RPS6KC1: variants seen among roughly 807,000 people sequenced by gnomAD.
RPS6KC1 encodes ribosomal protein S6 kinase C1, also known as inactive ribosomal protein S6 kinase delta-1.
A neutral mutation model predicts 103.8 loss-of-function variants in RPS6KC1; 54 were observed. The observed-to-expected ratio is 0.52, with a 90% CI of 0.42 to 0.65. The LOEUF (loss-of-function observed/expected upper bound fraction) is 0.65, where lower values mean the gene tolerates loss of function less well. Among genes scored for constraint, RPS6KC1 ranks in the 30% least tolerant of loss-of-function variants. The pLI is 0.00. For missense variants in RPS6KC1, 1,151 were observed against 1,253.8 expected, an observed-to-expected ratio of 0.92 and a Z score of 1.24; for synonymous variants, 439 against 438.7, an observed-to-expected ratio of 1.00 and a Z score of -0.01.
At chr1:213,537,388 G>C in the RPS6KC1 span, among the ~76,000 whole-genome samples, 1 of 152,170 alleles carries the variant, frequency 6.6e-6, no homozygotes, top group Non-Finnish European at 1.5e-5. Flanking sequence ...TTGGACTTGA[G>C]AGTTGGAACG....
the RPS6KC1 span, among the ~76,000 whole-genome samples, chr1:213,800,605 G>C: frequency 6.6e-6 from 1 of 152,092 alleles, no homozygotes; most frequent in African/African-American, 2.4e-5. Flanking sequence ...TAGGACACCT[G>C]GCCACCTGTA....
At chr1:213,626,968 C>T in the RPS6KC1 span, among the ~76,000 whole-genome samples, 5 of 152,128 alleles carry the variant, frequency 3.3e-5, no homozygotes, top group African/African-American at 1.2e-4. Context: ...TGAAGAAAGT[C>T]GTAGGTAGCT....
chr1:213,249,526 G>T (rs1156821788), intron 12 of RPS6KC1, among the ~76,000 whole-genome samples: 3 of 152,212 alleles, frequency 2.0e-5, no homozygotes, highest in Non-Finnish European at 4.4e-5. Context: ...GAGCGGCAGA[G>T]AGAGAGCGCA....
chr1:213,409,932 G>A, the RPS6KC1 span, among the ~76,000 whole-genome samples: 2 of 152,250 alleles, frequency 1.3e-5, no homozygotes, highest in African/African-American at 2.4e-5. Flanking sequence ...GGAGGCTGAG[G>A]CAGGAGGATT....
At chr1:213,401,055 CA>C in the RPS6KC1 span, among the ~76,000 whole-genome samples, 2 of 152,252 alleles carry the variant, frequency 1.3e-5, no homozygotes, top group African/African-American at 4.8e-5. Context: ...ACTTAACAGA[CA>C]GCCTGAGATG....
chr1:213,205,598 T>C (rs1573264204), intron 8 of RPS6KC1, among the ~76,000 whole-genome samples: 1 of 135,832 alleles, frequency 7.4e-6, no homozygotes, highest in Admixed American at 7.5e-5. Flanking sequence ...CCATAGGTTT[T>C]ATATATAGAA....
the RPS6KC1 span, among the ~76,000 whole-genome samples, chr1:213,796,509 G>A: frequency 9.9e-5 from 15 of 152,206 alleles, no homozygotes; most frequent in Admixed American, 9.8e-4. Flanking sequence ...TCAGCACACA[G>A]CCCCAAGAGA....
intron 3 of RPS6KC1, among the ~76,000 whole-genome samples, chr1:213,099,752 C>G (rs1255815102): frequency 1.3e-5 from 2 of 152,280 alleles, no homozygotes; most frequent in Middle Eastern, 3.4e-3. Context: ...GCTGTACAAA[C>G]TTTTCATGTC....
At chr1:213,565,436 G>A in the RPS6KC1 span, among the ~76,000 whole-genome samples, 4 of 152,126 alleles carry the variant, frequency 2.6e-5, no homozygotes, top group African/African-American at 9.7e-5. Context: ...CAATAAAAAG[G>A]GATGAACTCC....
the RPS6KC1 span, among the ~76,000 whole-genome samples, chr1:213,809,218 C>T: frequency 6.6e-6 from 1 of 152,122 alleles, no homozygotes; most frequent in Non-Finnish European, 1.5e-5. Context: ...AATAGAGAGG[C>T]TTGAGGAGAC....
chr1:213,388,563 C>G, the RPS6KC1 span, among the ~76,000 whole-genome samples: 1 of 152,180 alleles, frequency 6.6e-6, no homozygotes, highest in Non-Finnish European at 1.5e-5. Flanking sequence ...AACCTGAGGG[C>G]TTTGGTGAGG....
At chr1:213,137,033 G>T (rs1254305171) in intron 6 of RPS6KC1, among the ~76,000 whole-genome samples, 2 of 152,060 alleles carry the variant, frequency 1.3e-5, no homozygotes, top group Admixed American at 6.6e-5. Flanking sequence ...ACAAGGGCAG[G>T]GTTCCAGTTT....
the RPS6KC1 span, among the ~76,000 whole-genome samples, chr1:213,663,338 T>C: frequency 1.3e-5 from 2 of 152,216 alleles, no homozygotes; most frequent in South Asian, 2.1e-4. Context: ...TAAGCAAGTT[T>C]GTTTGGTTGC....
chr1:213,202,819 G>A (rs1287567769), intron 8 of RPS6KC1, among the ~76,000 whole-genome samples: 4 of 152,130 alleles, frequency 2.6e-5, no homozygotes, highest in Admixed American at 2.6e-4. Context: ...AATTATGATT[G>A]TATTTATTGA....
At chr1:213,725,094 C>T in the RPS6KC1 span, among the ~76,000 whole-genome samples, 5 of 152,206 alleles carry the variant, frequency 3.3e-5, no homozygotes, top group Non-Finnish European at 7.3e-5. Context: ...GCCAGCTTAA[C>T]GTCTTACCAG....
intron 8 of RPS6KC1, among the ~76,000 whole-genome samples, chr1:213,197,773 C>T (rs1279840054): frequency 6.6e-6 from 1 of 152,036 alleles, no homozygotes; most frequent in Non-Finnish European, 1.5e-5. Flanking sequence ...GTAGTTACTC[C>T]TGCTTACTTT....
intron 7 of RPS6KC1, among the ~76,000 whole-genome samples, chr1:213,174,977 T>A (rs941669382): frequency 2.0e-5 from 3 of 152,206 alleles, no homozygotes; most frequent in Admixed American, 2.0e-4. Context: ...AAATAAAAAG[T>A]CTCTTTTAAA....
At chr1:213,433,047 A>G in the RPS6KC1 span, among the ~76,000 whole-genome samples, 4 of 152,212 alleles carry the variant, frequency 2.6e-5, no homozygotes, top group Non-Finnish European at 5.9e-5. Flanking sequence ...CAGAAGACTG[A>G]TATGTGTCTC....
the RPS6KC1 span, among the ~76,000 whole-genome samples, chr1:213,552,682 T>C: frequency 6.6e-6 from 1 of 152,192 alleles, no homozygotes; most frequent in Non-Finnish European, 1.5e-5. Context: ...AGTCTCAATC[T>C]CCATATGGCA....
Sources: allele counts gnomAD v4.1 joint callset (sites outside exome capture counted in the v4.1 genomes callset), GRCh38; gene constraint gnomAD v4.1.1; transcripts MANE v1.5; gene names NCBI Gene and HGNC (gene_info 2026-07-23, HGNC 2026-07-21).